PRCC: variants seen among roughly 807,000 people sequenced by gnomAD.
PRCC encodes the protein proline rich mitotic checkpoint control factor.
In PRCC, 10 loss-of-function variants were observed where a neutral mutation model predicts 44.0. That is an observed-to-expected ratio of 0.23 (90% CI 0.14 to 0.39). The LOEUF is 0.39. Among genes scored for constraint, PRCC ranks in the 10% least tolerant of loss-of-function variants. The pLI is 1.00. For synonymous variants in PRCC, 278 were observed against 259.5 expected (o/e 1.07, Z -0.69); for missense variants, 573 against 624.7 (o/e 0.92, Z 0.88).
intron 1 of PRCC, among the ~76,000 whole-genome samples, chr1:156,775,205 G>A (rs1404933064): frequency 6.6e-6 from 1 of 151,962 alleles, no homozygotes; most frequent in Admixed American, 6.6e-5. Context: ...CCGAGATTGC[G>A]CCACTGCACT....
At chr1:156,792,810 G>T (rs1009108915) in intron 4 of PRCC, among the ~76,000 whole-genome samples, 1 of 152,152 alleles carries the variant, frequency 6.6e-6, no homozygotes, top group African/African-American at 2.4e-5. Flanking sequence ...TAGTTGTGTG[G>T]TAATATGCCT....
intron 1 of PRCC, among the ~76,000 whole-genome samples, chr1:156,772,198 T>C (rs1457928361): frequency 1.3e-5 from 2 of 152,204 alleles, no homozygotes; most frequent in Non-Finnish European, 2.9e-5. Flanking sequence ...TCTTAACCTT[T>C]GTTGTAGGTG....
intron 1 of PRCC, among the ~76,000 whole-genome samples, chr1:156,772,282 G>A (rs1467506537): frequency 6.6e-6 from 1 of 152,226 alleles, no homozygotes; most frequent in East Asian, 1.9e-4. Flanking sequence ...TATGATGGTA[G>A]TCTCAATTCT....
intron 3 of PRCC, among the ~76,000 whole-genome samples, chr1:156,787,448 T>TATATATATATA (rs1491308804): frequency 5.7e-5 from 4 of 70,132 alleles, no homozygotes; most frequent in African/African-American, 1.7e-4. Context: ...ATATTTGTGA[T>TATATATATATA]TGATATATAT....
intron 1 of PRCC, among the ~76,000 whole-genome samples, chr1:156,778,499 G>A (rs1263493993): frequency 6.6e-6 from 1 of 151,980 alleles, no homozygotes; most frequent in African/African-American, 2.4e-5. Flanking sequence ...ACATGGGAGT[G>A]CAGATACCTC....
intron 1 of PRCC, among the ~76,000 whole-genome samples, chr1:156,780,034 C>T (rs1471199859): frequency 1.3e-5 from 2 of 151,904 alleles, no homozygotes; most frequent in South Asian, 2.1e-4. Context: ...CGCACCACCA[C>T]GCCTGGCTAA....
Position 156,767,956 on chromosome 1 carries a change from T to C in PRCC, c.185T>C (p.Phe62Ser). Residue 62 changes from phenylalanine (F) to serine (S), a missense_variant, in exon 1 of 7, where the codon TTT becomes TCT. Coordinates refer to ENST00000271526, the MANE Select transcript of PRCC (RefSeq NM_005973.5). ...CCCCCTCAGATGCTGGCGCCAGCCT[T>C]TCCCCCGCCGCTGTTGCTTCCCCCA... ...PPPPQMLAPA[F>S]PPPLLLPPPT... 2 of 1,580,858 alleles carry C rather than the reference T, an allele frequency of 1.3e-6. No individual in the cohort carries two copies. The highest frequency in any genetic ancestry group is 1.7e-6 in the Non-Finnish European group (2 of 1,163,580).
chr1:156,792,805 G>T (rs561273963), intron 4 of PRCC, among the ~76,000 whole-genome samples: 2 of 152,152 alleles, frequency 1.3e-5, no homozygotes, highest in Non-Finnish European at 2.9e-5. Context: ...TTTATTAGTT[G>T]TGTGGTAATA....
chr1:156,794,474 G>A (rs753039879), intron 4 of PRCC, among the ~76,000 whole-genome samples, 191 bp from the exon 5 acceptor site: 1 of 152,110 alleles, frequency 6.6e-6, no homozygotes, highest in African/African-American at 2.4e-5. Context: ...TTCAGGAGAC[G>A]TTCTGAGTAG....
intron 6 of PRCC, among the ~76,000 whole-genome samples, chr1:156,798,617 G>A (rs1652742495): frequency 1.3e-5 from 2 of 152,142 alleles, no homozygotes; most frequent in Admixed American, 1.3e-4. Flanking sequence ...AGCACTTTCG[G>A]AGGCTGAGGC....
At chr1:156,779,332 T>TA (rs57752152) in intron 1 of PRCC, among the ~76,000 whole-genome samples, 202 of 149,940 alleles carry the variant, frequency 1.3e-3, no homozygotes, top group African/African-American at 4.0e-3. Context: ...ATTTTTAATT[T>TA]AAAAAATTTT....
Position 156,794,826 on chromosome 1 carries a change from A to C in PRCC, c.1323+18A>C, listed in dbSNP as rs755924878. ...TCAGCAAAGTAAGTGGGAAACGTCT[A>C]TTGAGTGGTCAGCTTGGGAAGCTGC... On this transcript the variant is annotated intron_variant, in intron 5 of 6. Transcript: ENST00000271526. 3.7e-6 allele frequency: 6 copies of C among 1,613,998 alleles called. No individual in the cohort carries two copies. In the South Asian group the frequency reaches 6.6e-5, roughly 18 times the overall value.
intron 1 of PRCC, among the ~76,000 whole-genome samples, chr1:156,775,201 T>C (rs1346723850): frequency 1.3e-4 from 19 of 151,778 alleles, no homozygotes; most frequent in Non-Finnish European, 7.4e-5. Context: ...TGAGCCGAGA[T>C]TGCGCCACTG....
intron 6 of PRCC, 92 bp downstream of exon 6, chr1:156,797,433 A>G (rs927381152): frequency 6.8e-7 from 1 of 1,462,514 alleles, no homozygotes; most frequent in African/African-American, 1.4e-5. Flanking sequence ...CCAGATGCTT[A>G]TCTTTTAGCA....
chr1:156,779,130 T>TATATATATATATATA (rs1651949215), intron 1 of PRCC, among the ~76,000 whole-genome samples: 1 of 15,890 alleles, frequency 6.3e-5, no homozygotes, highest in Non-Finnish European at 1.1e-4. Context: ...ATATATATAT[T>TATATATATATATATA]TTTTTTTTTT....
At chr1:156,797,002 C>T (rs573257406) in intron 5 of PRCC, 7 of 387,696 alleles carry the variant, frequency 1.8e-5, no homozygotes, top group South Asian at 1.7e-4. Flanking sequence ...ACCAAAGACG[C>T]AGAAGACAGT....
chr1:156,793,143 A>G (rs1205564362), intron 4 of PRCC, among the ~76,000 whole-genome samples: 7 of 152,294 alleles, frequency 4.6e-5, no homozygotes, highest in African/African-American at 1.7e-4. Context: ...AAAGGTGTCC[A>G]TCCCTTTGCA....
chr1:156,791,644 C>T, intron 3 of PRCC, 53 bp from the exon 4 acceptor site: 5 of 1,518,892 alleles, frequency 3.3e-6, no homozygotes, highest in Non-Finnish European at 4.5e-6. Flanking sequence ...CTTACCTTCC[C>T]CTCTCCAACT....
chr1:156,783,670 C>T (rs1056750950), intron 2 of PRCC, among the ~76,000 whole-genome samples: 2 of 151,832 alleles, frequency 1.3e-5, no homozygotes, highest in African/African-American at 2.4e-5. Context: ...CGCTTGAACC[C>T]GTGAGGTGGA....
Sources: gnomAD v4.1 joint callset for allele counts (sites outside exome capture counted in the v4.1 genomes callset) on GRCh38, gnomAD v4.1.1 for gene constraint, MANE v1.5 for transcripts, NCBI Gene and HGNC (gene_info 2026-07-23, HGNC 2026-07-21) for gene names.